APOOL: variants seen among roughly 807,000 people sequenced by gnomAD.
APOOL encodes the protein MICOS complex subunit MIC27.
In APOOL, 12 loss-of-function variants were observed where a neutral mutation model predicts 23.1. The observed-to-expected ratio is 0.52, with a 90% CI of 0.33 to 0.84. The LOEUF (loss-of-function observed/expected upper bound fraction) is 0.84, where lower values mean the gene tolerates loss of function less well. Ranked by LOEUF, APOOL falls within the 40% of genes least tolerant of loss-of-function variation. The pLI is 0.02. For missense variants in APOOL, 212 were observed against 199.6 expected (o/e 1.06, Z -0.37); for synonymous variants, 77 against 69.9 (o/e 1.10, Z -0.51).
chrX:85,067,627 AACACACACACACACAC>A (rs758966009), intron 6 of APOOL, among the ~76,000 whole-genome samples: 6 of 90,403 alleles, frequency 6.6e-5, no homozygotes, highest in African/African-American at 2.1e-4. Flanking sequence ...CTGAAGGTAA[AACACACACACACACAC>A]ACACACACAC....
chrX:85,033,221 A>G (rs752022532), intron 1 of APOOL, among the ~76,000 whole-genome samples: 9 of 111,962 alleles, frequency 8.0e-5, no homozygotes, highest in Non-Finnish European at 1.5e-4. Flanking sequence ...TGTGTTCTTT[A>G]CTTGTATCCA....
intron 1 of APOOL, among the ~76,000 whole-genome samples, chrX:85,023,955 CTTG>C (rs1274348846): frequency 4.5e-5 from 5 of 112,015 alleles, no homozygotes; most frequent in Admixed American, 9.5e-5. Context: ...CCCCAGGCTT[CTTG>C]TTGTTGTTGT....
Position 85,087,737 on chromosome X carries a change from T to C in APOOL, c.*59T>C, listed in dbSNP as rs1409629449. ...ACAAGATGTGTGGCGTTGCAAATAA[T>C]GATGAAAATAAATCATGTAATGGGT... is the stretch of plus-strand genomic sequence containing the variant. On this transcript the variant is annotated 3_prime_UTR_variant, in exon 9 of 9. Transcript: ENST00000373173. 4 of 994,762 alleles carry C rather than the reference T, an allele frequency of 4.0e-6. No individual in the cohort carries two copies. The highest frequency in any genetic ancestry group is 2.0e-5 in the African/African-American group (1 of 51,048). 82.0% of individuals were successfully genotyped at this position (994,762 alleles called of 1,213,427 possible). A position where few individuals can be genotyped will look rare whatever the true frequency, so the allele number is the denominator to read the frequency against.
intron 2 of APOOL, among the ~76,000 whole-genome samples, chrX:85,050,679 G>A (rs893585413): frequency 9.2e-6 from 1 of 108,762 alleles, no homozygotes; most frequent in Non-Finnish European, 1.9e-5. Flanking sequence ...GTTCTTTTGT[G>A]TATGTTTGTT....
chrX:85,006,133 C>T (rs768035144), intron 1 of APOOL, among the ~76,000 whole-genome samples: 6 of 111,510 alleles, frequency 5.4e-5, no homozygotes, highest in Non-Finnish European at 9.4e-5. Flanking sequence ...TATTCAAAAC[C>T]ATGCTAATAA....
chrX:85,062,637 A>G (rs1398652707), intron 5 of APOOL, among the ~76,000 whole-genome samples: 2 of 111,261 alleles, frequency 1.8e-5, no homozygotes, highest in Admixed American at 1.9e-4. Flanking sequence ...TCCTTTCCCC[A>G]TTGCTTGTTT....
intron 1 of APOOL, among the ~76,000 whole-genome samples, chrX:85,038,608 C>G (rs764645245): frequency 1.1e-5 from 1 of 90,030 alleles, no homozygotes; most frequent in Non-Finnish European, 2.1e-5. Flanking sequence ...TTCTGTGTTC[C>G]GAGTTTTAAT....
chrX:85,022,501 T>C (rs1306336919), intron 1 of APOOL, among the ~76,000 whole-genome samples: 1 of 111,956 alleles, frequency 8.9e-6, no homozygotes, highest in Admixed American at 9.5e-5. Flanking sequence ...ATCATGTCAA[T>C]AGATGCAGAA....
chrX:85,072,377 T>TACCA (rs1248802206), intron 6 of APOOL, among the ~76,000 whole-genome samples: 2 of 111,263 alleles, frequency 1.8e-5, no homozygotes, highest in Non-Finnish European at 1.9e-5. Flanking sequence ...CTCTTGGTGG[T>TACCA]AGTGTAAATT....
At chrX:85,005,452 C>G (rs1321209345) in intron 1 of APOOL, among the ~76,000 whole-genome samples, 1 of 14,018 alleles carries the variant, frequency 7.1e-5, no homozygotes, top group Non-Finnish European at 1.3e-4. Context: ...AGCCACCACG[C>G]CCGGTCCTCG....
intron 8 of APOOL, among the ~76,000 whole-genome samples, chrX:85,083,054 C>T (rs943355160): frequency 3.6e-5 from 4 of 111,025 alleles, no homozygotes; most frequent in Admixed American, 9.7e-5. Context: ...GAACGCAGCC[C>T]AGACCCAGCT....
rs1470105612 is a variant in APOOL, at chrX:85,088,058, ATATG to A, written c.*384_*387del. On this transcript the variant is annotated 3_prime_UTR_variant, in exon 9 of 9. Coordinates refer to ENST00000373173, the MANE Select transcript of APOOL (RefSeq NM_198450.6). ...CATGTATAAATACGTATTTATACAT[ATATG>A]TATAAATACATATACATATATGTAT... 9.3e-4 allele frequency: 6 copies of A among 6,420 alleles called. No homozygotes were observed. The highest frequency in any genetic ancestry group is 2.7e-3 in the African/African-American group (4 of 1,481). The allele number at this position is 6,420 out of a possible 1,213,427, so 0.5% of individuals were successfully genotyped here.
Position 85,034,424 on chromosome X carries a change from G to A in APOOL, c.16-12022G>A, listed in dbSNP as rs765468525. ...CCTTATGTTTTTAGTAAAAATAATA[G>A]GCTTCATAATTAAATTCTAGTTGGC... On this transcript the variant is annotated intron_variant, in intron 1 of 8. Coordinates refer to ENST00000373173, the MANE Select transcript of APOOL (RefSeq NM_198450.6). 4.5e-5 allele frequency among the ~76,000 whole-genome samples: 5 copies of A among 110,147 alleles called. No homozygotes were observed. In the East Asian group the frequency reaches 1.4e-3, roughly 31 times the overall value.
In APOOL at chrX:85,087,944, T is replaced by TA. The variant is rs1188514916; in HGVS notation, c.*275dup. ...GCATTTGATGACCTTTAAGGGCACT[T>TA]AAAAAAAAATGAAGACATGAATTCT... On this transcript the variant is annotated 3_prime_UTR_variant, in exon 9 of 9. Transcript: ENST00000373173. 3.3e-4 allele frequency: 57 copies of TA among 173,029 alleles called. No homozygotes were observed. Among genetic ancestry groups the TA allele is most frequent in the African/African-American group, 8.6e-4 (27 of 31,416 alleles). 14.3% of individuals were successfully genotyped at this position (173,029 alleles called of 1,213,427 possible). A position where few individuals can be genotyped will look rare whatever the true frequency, so the allele number is the denominator to read the frequency against.
At chrX:85,005,898 G>A (rs1054725435) in intron 1 of APOOL, among the ~76,000 whole-genome samples, 1 of 112,028 alleles carries the variant, frequency 8.9e-6, no homozygotes, top group Non-Finnish European at 1.9e-5. Flanking sequence ...GTGGCAAAAA[G>A]CAAACCAGAA....
chrX:85,055,390 T>C (rs898335237), intron 4 of APOOL, among the ~76,000 whole-genome samples: 2 of 111,605 alleles, frequency 1.8e-5, no homozygotes, highest in Non-Finnish European at 3.8e-5. Flanking sequence ...AGTAGCTGTG[T>C]ATATCCTTAA....
At chrX:85,016,933 G>A in intron 1 of APOOL, among the ~76,000 whole-genome samples, 1 of 112,344 alleles carries the variant, frequency 8.9e-6, no homozygotes, top group East Asian at 2.8e-4. Flanking sequence ...GAGATAATTG[G>A]CCTCCAGTCA....
At chrX:85,026,197 A>G (rs1702061367) in intron 1 of APOOL, among the ~76,000 whole-genome samples, 1 of 113,573 alleles carries the variant, frequency 8.8e-6, no homozygotes, top group African/African-American at 3.2e-5. Context: ...CCAGAGTGGT[A>G]GCCTGAACTC....
intron 1 of APOOL, among the ~76,000 whole-genome samples, chrX:85,045,095 T>C (rs1922531060): frequency 8.9e-6 from 1 of 111,834 alleles, no homozygotes; most frequent in Non-Finnish European, 1.9e-5. Flanking sequence ...ACATTTAAAT[T>C]ATACCTAACA....
Sources: allele counts gnomAD v4.1 joint callset (sites outside exome capture counted in the v4.1 genomes callset), GRCh38; gene constraint gnomAD v4.1.1; transcripts MANE v1.5; gene names NCBI Gene and HGNC (gene_info 2026-07-23, HGNC 2026-07-21).